The following SLC44A1 variants were observed in gnomAD, a reference collection of about 807,000 sequenced individuals.
The protein encoded by SLC44A1 is solute carrier family 44 member 1, also known as choline transporter-like protein 1.
A neutral mutation model predicts 79.3 loss-of-function variants in SLC44A1; 26 were observed. The ratio of observed to expected loss-of-function variants is 0.33; its 90% confidence interval spans 0.24 to 0.46. The LOEUF is 0.46. Ranked by LOEUF, SLC44A1 falls within the 20% of genes least tolerant of loss-of-function variation. The pLI is 1.00. For synonymous variants in SLC44A1, 263 were observed against 286.2 expected (o/e 0.92, Z 0.82); for missense variants, 688 against 798.1 (o/e 0.86, Z 1.66).
Position 105,375,313 on chromosome 9 carries a change from T to C in SLC44A1, c.1632+578T>C, listed in dbSNP as rs1307072699. 2.0e-5 allele frequency among the ~76,000 whole-genome samples: 3 copies of C among 152,332 alleles called. No individual in the cohort carries two copies. The East Asian group carries it at 5.8e-4, about 29-fold the overall frequency. On this transcript the variant is annotated intron_variant, in intron 13 of 15. Transcript: ENST00000374720. ...CCTTCGCCTCCCAAAGTGCTGGGAT[T>C]ACAGGCATGAGCCACTGCACCCGGC...
chr9:105,374,794 CTT>C, intron 13 of SLC44A1, 59 bp downstream of exon 13: 1 of 1,381,338 alleles, frequency 7.2e-7, no homozygotes, highest in East Asian at 2.3e-5. Context: ...TTTATTTGCT[CTT>C]TTATTTTAAA....
rs1258258544 is a variant in SLC44A1, at chr9:105,394,375, T to C, written c.*5319T>C. 1.9e-5 allele frequency: 19 copies of C among 985,026 alleles called. No homozygotes were observed. The highest frequency in any genetic ancestry group is 2.2e-5 in the Non-Finnish European group (18 of 829,982). 61.0% of individuals were successfully genotyped at this position (985,026 alleles called of 1,614,324 possible). On this transcript the variant is annotated 3_prime_UTR_variant, in exon 16 of 16. Transcript: ENST00000374720. ...TAACAAGATGATCAACACTGAATCT[T>C]CATGACAGTAAGATTTTCTTTCCTT...
chr9:105,413,394 T>C (rs1269209134), intron 15 of SLC44A1, among the ~76,000 whole-genome samples: 1 of 152,218 alleles, frequency 6.6e-6, no homozygotes, highest in Non-Finnish European at 1.5e-5. Context: ...AAATTTCGCC[T>C]TCCCAATATA....
rs1316476533 is a variant in SLC44A1 at position 105,351,666 on chromosome 9, G to GAAAGAAAGAAAGAAAGAAAA, written c.500+3225_500+3226insAGAAAGAAAAAAAGAAAGAA. On this transcript the variant is annotated intron_variant, in intron 5 of 15. Coordinates refer to ENST00000374720, the MANE Select transcript of SLC44A1 (RefSeq NM_080546.5). ...AGAAAGAAAGAAAGAAAGAAAGAAAGAAAGAAAGAACCAAGAAAAAAATGT... is the reference window on the plus strand; with the variant it reads ...AGAAAGAAAGAAAGAAAGAAAGAAAGAAAGAAAGAAAGAAAGAAAAAAAGAAAGAACCAAGAAAAAAATGT... Among the ~76,000 whole-genome samples the GAAAGAAAGAAAGAAAGAAAA allele has an allele frequency of 1.5e-4, 23 of 150,560 alleles. No individual in the cohort carries two copies. The East Asian group carries it at 4.5e-3, about 29-fold the overall frequency.
chr9:105,339,232 A>G (rs946545480), intron 4 of SLC44A1, among the ~76,000 whole-genome samples: 5 of 126,506 alleles, frequency 4.0e-5, no homozygotes, highest in African/African-American at 1.3e-4. Context: ...GATCTACTAT[A>G]AAAAAAAAAC....
intron 4 of SLC44A1, among the ~76,000 whole-genome samples, chr9:105,338,369 G>A (rs77491366): frequency 0.016 from 2,494 of 152,036 alleles, 56 homozygotes; most frequent in African/African-American, 0.054. Context: ...TCTGCTTTTT[G>A]CATTATTTTT....
chr9:105,380,513 C>T (rs1416698167), intron 13 of SLC44A1, among the ~76,000 whole-genome samples: 1 of 151,802 alleles, frequency 6.6e-6, no homozygotes, highest in Non-Finnish European at 1.5e-5. Context: ...GTCATGCGCC[C>T]TATTAAGAAA....
At chr9:105,270,788 T>C (rs543041044) in intron 1 of SLC44A1, among the ~76,000 whole-genome samples, 63 of 152,348 alleles carry the variant, frequency 4.1e-4, no homozygotes, top group African/African-American at 1.4e-3. Context: ...GTCAGGTCTG[T>C]TGACTGCTGT....
intron 1 of SLC44A1, among the ~76,000 whole-genome samples, chr9:105,286,608 C>T (rs765483985): frequency 1.3e-5 from 2 of 152,164 alleles, no homozygotes; most frequent in Non-Finnish European, 2.9e-5. Context: ...TACCTTAATA[C>T]GTGCAGCTTT....
At position 105,335,638 on chromosome 9, in the gene SLC44A1, A is replaced by G; in HGVS notation, c.345A>G (p.Ala115=). ...TTAAGTCTGTAGCACTGTGTGTAGC[A>G]GCGTGTCCAAGGCAAGAACTGAAAA... is the stretch of plus-strand genomic sequence containing the variant. ...RKIKSVALCV[A]ACPRQELKTL... Residue 115 remains alanine (A), a synonymous_variant, in exon 4 of 16, where the codon GCA becomes GCG. Transcript: ENST00000374720. 1 of 1,613,860 alleles carries G rather than the reference A, an allele frequency of 6.2e-7. No individual in the cohort carries two copies.
rs1828871565 is a variant in SLC44A1 at position 105,396,143 on chromosome 9, A to T, written c.*7087A>T. Reference sequence around the variant, plus strand: ...TCTGCTGTGTTGCCTTAATGCTACTAGATTGTGTTGTGTTGTTGGAGTTTT... The same window carrying T: ...TCTGCTGTGTTGCCTTAATGCTACTTGATTGTGTTGTGTTGTTGGAGTTTT... On this transcript the variant is annotated 3_prime_UTR_variant, in exon 16 of 16. Coordinates refer to ENST00000374720, the MANE Select transcript of SLC44A1 (RefSeq NM_080546.5). 1 of 985,240 alleles carries T rather than the reference A, an allele frequency of 1.0e-6. No individual in the cohort carries two copies. Among genetic ancestry groups the T allele is most frequent in the African/African-American group, 1.7e-5 (1 of 57,214 alleles). 61.0% of individuals were successfully genotyped at this position (985,240 alleles called of 1,614,324 possible).
intron 5 of SLC44A1, 147 bp downstream of exon 5, chr9:105,348,598 GA>G: frequency 1.9e-6 from 1 of 535,136 alleles, no homozygotes; most frequent in South Asian, 2.9e-5. Context: ...AGTAGCAATA[GA>G]AATGACATTA....
Position 105,383,296 on chromosome 9 carries a change from C to G in SLC44A1, c.1806C>G (p.Ala602=), listed in dbSNP as rs748950070. The change falls in exon 14 of 16, where the codon GCC becomes GCG. Residue 602 remains alanine, a synonymous_variant. Transcript: ENST00000374720. ...TGGATGTATTATTCTTGTGTTTTGC[C>G]ATTGATACAAAATACAATGATGGGA... The part of the protein sequence containing the change: ...MVVDVLFLCF[A]IDTKYNDGSP... 1.9e-6 allele frequency: 3 copies of G among 1,613,566 alleles called. No homozygotes were observed. Among genetic ancestry groups the G allele is most frequent in the Non-Finnish European group, 2.5e-6 (3 of 1,179,556 alleles).
intron 1 of SLC44A1, among the ~76,000 whole-genome samples, chr9:105,267,664 A>T: frequency 6.6e-6 from 1 of 151,030 alleles, no homozygotes; most frequent in East Asian, 1.9e-4. Context: ...GTGTGTTTTA[A>T]TTTCACTTCT....
chr9:105,389,243 A>G lies in SLC44A1; in HGVS notation c.*187A>G. 2.4e-6 allele frequency: 3 copies of G among 1,273,938 alleles called. No homozygotes were observed. The highest frequency in any genetic ancestry group is 3.0e-6 in the Non-Finnish European group (3 of 1,005,842). The allele number at this position is 1,273,938 out of a possible 1,614,324, so 78.9% of individuals were successfully genotyped here. On this transcript the variant is annotated 3_prime_UTR_variant, in exon 16 of 16. Coordinates refer to ENST00000374720, the MANE Select transcript of SLC44A1 (RefSeq NM_080546.5). ...GGAACAGGGATTTAATACCTTTTTTATGCTTATTTTTGTCAAACATGTACT... is the reference window on the plus strand; with the variant it reads ...GGAACAGGGATTTAATACCTTTTTTGTGCTTATTTTTGTCAAACATGTACT...
intron 3 of SLC44A1, among the ~76,000 whole-genome samples, chr9:105,317,127 G>C (rs1393777880): frequency 6.6e-6 from 1 of 152,102 alleles, no homozygotes; most frequent in Non-Finnish European, 1.5e-5. Context: ...TATAAACTGA[G>C]AGTCAGTTTC....
chr9:105,423,038 C>T (rs541856758), intron 15 of SLC44A1, among the ~76,000 whole-genome samples: 43 of 152,162 alleles, frequency 2.8e-4, no homozygotes, highest in African/African-American at 9.6e-4. Flanking sequence ...AAAACTGGGA[C>T]GGAAGGAAAG....
intron 15 of SLC44A1, among the ~76,000 whole-genome samples, chr9:105,423,638 T>TTA (rs1169458660): frequency 6.6e-6 from 1 of 152,198 alleles, no homozygotes; most frequent in African/African-American, 2.4e-5. Flanking sequence ...GGTGAATGAA[T>TTA]TATAATACAT....
At position 105,395,158 on chromosome 9, in the gene SLC44A1, G is replaced by A; in HGVS notation, c.*6102G>A. On this transcript the variant is annotated 3_prime_UTR_variant, in exon 16 of 16. Transcript: ENST00000374720. The stretch of plus-strand genomic sequence containing the variant: ...AAATATAACTGGCTGGTGAAGAAAG[G>A]AGAAAAGTCAGCCCCCTACCCCACC... The A allele has an allele frequency of 1.0e-6, 1 of 985,484 alleles. No individual in the cohort carries two copies. Among genetic ancestry groups the A allele is most frequent in the Non-Finnish European group, 1.2e-6 (1 of 829,972 alleles). The allele number at this position is 985,484 out of a possible 1,614,324, so 61.0% of individuals were successfully genotyped here.
Sources: gnomAD v4.1 joint callset for allele counts (sites outside exome capture counted in the v4.1 genomes callset) on GRCh38, gnomAD v4.1.1 for gene constraint, MANE v1.5 for transcripts, NCBI Gene and HGNC (gene_info 2026-07-23, HGNC 2026-07-21) for gene names.